Variants in SEZ6 observed in about 807,000 individuals in gnomAD.
SEZ6 encodes seizure protein 6 homolog.
Under a neutral mutation model 101.0 loss-of-function variants are expected in SEZ6, and 53 were observed. The ratio of observed to expected loss-of-function variants is 0.52; its 90% CI spans 0.42 to 0.66. SEZ6 has a LOEUF of 0.66. Among genes scored for constraint, SEZ6 ranks in the 30% least tolerant of loss-of-function variants. The pLI, the probability that SEZ6 is intolerant of heterozygous loss-of-function variation, is 0.00. For synonymous variants in SEZ6, 488 were observed against 512.2 expected, an observed-to-expected ratio of 0.95 and a Z score of 0.64; for missense variants, 1,102 against 1,289.4, an observed-to-expected ratio of 0.85 and a Z score of 2.23.
intron 14 of SEZ6, 23 bp from the exon 15 acceptor site, chr17:28,956,490 T>C: frequency 4.5e-6 from 7 of 1,542,996 alleles, no homozygotes; most frequent in Non-Finnish European, 6.1e-6. Flanking sequence ...AGGGTGTGAC[T>C]GGAGCAGAGG....
chr17:29,006,049 A>G (rs547385100), upstream of SEZ6: 2 of 422,932 alleles, frequency 4.7e-6, no homozygotes, highest in Non-Finnish European at 3.8e-6. Flanking sequence ...GCGCCTGGCG[A>G]CGGCGCCGGG....
chr17:28,960,668 G>A lies in SEZ6; in HGVS notation c.1413C>T (p.Leu471=), dbSNP rs754895236. ...KVSLAEDDDR[L]IIRNGDNVEA... ...CCACGTTGTCCCCATTGCGAATGAT[G>A]AGCCTGAACCAGGAGAGTGGCAGCT... The change falls in exon 7 of 17, where the codon CTC becomes CTT. Residue 471 remains leucine (L), a synonymous_variant. Transcript: ENST00000317338. The A allele has an allele frequency of 2.5e-6, 4 of 1,608,492 alleles. No individual in the cohort carries two copies. Among genetic ancestry groups the A allele is most frequent in the Non-Finnish European group, 2.5e-6 (3 of 1,177,432 alleles).
chr17:28,986,107 C>G (rs537184026), intron 1 of SEZ6, among the ~76,000 whole-genome samples: 3 of 152,228 alleles, frequency 2.0e-5, no homozygotes, highest in African/African-American at 4.8e-5. Flanking sequence ...GCCCTCCCCC[C>G]GCATTAGCTC....
chr17:28,973,320 T>A (rs191400452), intron 3 of SEZ6, among the ~76,000 whole-genome samples: 12 of 152,328 alleles, frequency 7.9e-5, no homozygotes, highest in Admixed American at 5.2e-4. Flanking sequence ...TCTAGACATC[T>A]TTATTCCCAA....
intron 3 of SEZ6, among the ~76,000 whole-genome samples, chr17:28,971,068 G>T (rs1247335971): frequency 6.6e-6 from 1 of 152,192 alleles, no homozygotes; most frequent in Non-Finnish European, 1.5e-5. Flanking sequence ...ATTGGACAAC[G>T]ACGGACTCTG....
Position 28,969,894 on chromosome 17 carries a change from G to C in SEZ6, c.917C>G (p.Pro306Arg). 2 of 1,545,006 alleles carry C rather than the reference G, an allele frequency of 1.3e-6. No individual in the cohort carries two copies. Among genetic ancestry groups the C allele is most frequent in the Non-Finnish European group, 1.7e-6 (2 of 1,153,620 alleles). ...ETVTVEGLGG[P>R]DPLPLANQSF... Reference sequence around the variant, plus strand: ...CTGGTTGGCCAGGGGCAGTGGGTCAGGCCCCCCCAGGCCTTCCACAGTCAC... The same window carrying C: ...CTGGTTGGCCAGGGGCAGTGGGTCACGCCCCCCCAGGCCTTCCACAGTCAC... The change falls in exon 4 of 17, where the codon CCT becomes CGT. Residue 306 changes from proline to arginine, a missense_variant. By Grantham distance (103) the Pro-to-Arg change is moderately radical. Around this residue, in one of 3 missense-constraint regions of SEZ6, gnomAD observed 406 missense variants for 418.6 expected, o/e 0.97. Coordinates refer to ENST00000317338, the MANE Select transcript of SEZ6 (RefSeq NM_178860.5).
chr17:28,981,521 C>A lies in SEZ6; in HGVS notation c.574G>T (p.Gly192Ter), dbSNP rs747105743. 1 of 1,611,430 alleles carries A rather than the reference C, an allele frequency of 6.2e-7. No homozygotes were observed. The highest frequency in any genetic ancestry group is 1.3e-5 in the African/African-American group (1 of 74,984). The change falls in exon 2 of 17, where the codon GGA becomes TGA. Residue 192 changes from glycine (G) to a stop codon, truncating the protein, a stop_gained. Transcript: ENST00000317338. LOFTEE classifies it high-confidence loss of function. ...ACAACCTCTGCAACCCACGGCCTTC[C>A]CATGTCTCCAGGACCCTCTTGGGTT... Reference protein sequence around the residue: ...TPTQEGPGDMGRPWVAEVVSQ... With the variant: ...TPTQEGPGDM
chr17:28,977,785 C>T (rs2041243458), intron 3 of SEZ6, among the ~76,000 whole-genome samples: 1 of 152,220 alleles, frequency 6.6e-6, no homozygotes, highest in South Asian at 2.1e-4. Context: ...CCCCCTTTCC[C>T]ACACCTGCAG....
In SEZ6 at chr17:28,959,869, C is replaced by T. The variant is rs756868171; in HGVS notation, c.1600G>A (p.Glu534Lys). The change falls in exon 8 of 17, where the codon GAG becomes AAG. Residue 534 changes from glutamate (E) to lysine (K), a missense_variant. Coordinates refer to ENST00000317338, the MANE Select transcript of SEZ6 (RefSeq NM_178860.5). The surrounding 1 kb of genome is among the most constrained non-coding windows in gnomAD (Gnocchi z 4.4). ...YEAFQQGHCY[E>K]PFVKYGNFSS... ...AAGTTACCGTATTTGACAAAGGGCT[C>T]ATAGCAATGGCCCTGCTGGAAGGCT... The T allele has an allele frequency of 4.3e-6, 7 of 1,611,820 alleles. No homozygotes were observed. Among genetic ancestry groups the T allele is most frequent in the African/African-American group, 4.0e-5 (3 of 74,868 alleles).
At chr17:29,003,834 A>G (rs1307290881) in intron 1 of SEZ6, among the ~76,000 whole-genome samples, 1 of 152,116 alleles carries the variant, frequency 6.6e-6, no homozygotes, top group Non-Finnish European at 1.5e-5. Flanking sequence ...CCTACCCCAC[A>G]TATCCCACTG....
In SEZ6 at chr17:28,960,799, C is replaced by T. The variant is rs770307601; in HGVS notation, c.1409+6G>A. ...GCACTCCCATTCCACTAGGACAGCC[C>T]CTCACCTGTCATCATCCTCTGCCAG... On this transcript the variant is annotated splice_donor_region_variant and intron_variant, in intron 6 of 16. Transcript: ENST00000317338. 1.4e-5 allele frequency: 22 copies of T among 1,613,788 alleles called. 1 individual carries two copies. Among genetic ancestry groups the T allele is most frequent in the Non-Finnish European group, 1.8e-5 (21 of 1,179,786 alleles).
At chr17:28,965,616 G>A (rs1042746149) in intron 4 of SEZ6, among the ~76,000 whole-genome samples, 2 of 152,204 alleles carry the variant, frequency 1.3e-5, no homozygotes, top group Non-Finnish European at 2.9e-5. Flanking sequence ...TCCAGCCTAG[G>A]TGACAGAGTG....
intron 1 of SEZ6, among the ~76,000 whole-genome samples, chr17:28,985,961 G>T (rs1012895461): frequency 1.3e-5 from 2 of 152,120 alleles, no homozygotes; most frequent in Admixed American, 1.3e-4. Flanking sequence ...CCGCAGGGCC[G>T]GGGGCTGCAT....
In SEZ6 at chr17:28,957,457, C is replaced by T. The variant is rs1318871559; in HGVS notation, c.2385G>A (p.Val795=). ...CAAAACCCTGGTCACAGATATATTG[C>T]ACGGTGGCCCCCACGGGAAACTTGG... ...SSPKFPVGAT[V]QYICDQGFVL... The change falls in exon 12 of 17, where the codon GTG becomes GTA. Residue 795 remains valine (V), a synonymous_variant. Transcript: ENST00000317338. 1 of 1,613,752 alleles carries T rather than the reference C, an allele frequency of 6.2e-7. No individual in the cohort carries two copies. The highest frequency in any genetic ancestry group is 1.7e-5 in the Admixed American group (1 of 60,018).
At chr17:28,988,457 C>T (rs2041413265) in intron 1 of SEZ6, among the ~76,000 whole-genome samples, 1 of 152,242 alleles carries the variant, frequency 6.6e-6, no homozygotes, top group African/African-American at 2.4e-5. Context: ...AACCTGCTCC[C>T]CAAAGTGCCT....
At chr17:28,975,200 C>T (rs1463135103) in intron 3 of SEZ6, among the ~76,000 whole-genome samples, 1 of 152,226 alleles carries the variant, frequency 6.6e-6, no homozygotes, top group Non-Finnish European at 1.5e-5. Context: ...AGGGCTCTGC[C>T]TGGGAGGCAT....
upstream of SEZ6, chr17:29,006,063 C>T (rs998867151): frequency 3.4e-4 from 131 of 380,458 alleles, no homozygotes; most frequent in African/African-American, 2.5e-3. Flanking sequence ...CGCCGGGGAT[C>T]GCCGAGCGGG....
At chr17:28,988,728 A>G (rs145409440) in intron 1 of SEZ6, among the ~76,000 whole-genome samples, 8 of 152,210 alleles carry the variant, frequency 5.3e-5, no homozygotes, top group Admixed American at 1.3e-4. Flanking sequence ...GAATGGGGGC[A>G]CCTCCTCTTG....
chr17:28,977,215 G>T (rs558094425), intron 3 of SEZ6, among the ~76,000 whole-genome samples: 1 of 152,352 alleles, frequency 6.6e-6, no homozygotes, highest in East Asian at 1.9e-4. Context: ...TGGCCTGGGT[G>T]GGGGTGGAGG....
Sources: gnomAD v4.1 joint callset for allele counts (sites outside exome capture counted in the v4.1 genomes callset) on GRCh38, gnomAD v4.1.1 for gene constraint, gnomAD v4.1.1 regional missense constraint, Gnocchi (gnomAD v3.1) non-coding constraint, MANE v1.5 for transcripts, NCBI Gene and HGNC (gene_info 2026-07-23, HGNC 2026-07-21) for gene names.